RPTOR: variants seen among roughly 807,000 people sequenced by gnomAD.
RPTOR encodes regulatory associated protein of MTOR complex 1.
A neutral mutation model predicts 169.9 loss-of-function variants in RPTOR; 21 were observed. That is an observed-to-expected ratio of 0.12 (90% CI 0.09 to 0.18). The LOEUF (loss-of-function observed/expected upper bound fraction) is 0.18, where lower values mean the gene tolerates loss of function less well. Among genes scored for constraint, RPTOR ranks in the 10% least tolerant of loss-of-function variants. RPTOR has a pLI of 1.00. For synonymous variants in RPTOR, 732 were observed against 753.2 expected (o/e 0.97, Z 0.46); for missense variants, 1,133 against 1,855.9 (o/e 0.61, Z 7.16).
chr17:80,871,725 A>G (rs758726906), intron 13 of RPTOR, among the ~76,000 whole-genome samples: 1 of 152,218 alleles, frequency 6.6e-6, no homozygotes, highest in Non-Finnish European at 1.5e-5. Flanking sequence ...TGTTATTTAT[A>G]TAGGCTTACT....
intron 13 of RPTOR, among the ~76,000 whole-genome samples, chr17:80,876,949 G>A (rs1478073761): frequency 4.1e-5 from 6 of 147,322 alleles, no homozygotes; most frequent in Admixed American, 4.0e-4. Flanking sequence ...GTGCCACTCA[G>A]GGTGTGTGTG....
At chr17:80,604,070 C>T (rs1020709308) in intron 1 of RPTOR, among the ~76,000 whole-genome samples, 7 of 152,186 alleles carry the variant, frequency 4.6e-5, no homozygotes, top group Non-Finnish European at 1.0e-4. Context: ...CAGATACCAA[C>T]TTATCCTTTC....
At chr17:80,781,923 A>G (rs2066945893) in intron 6 of RPTOR, among the ~76,000 whole-genome samples, 1 of 152,170 alleles carries the variant, frequency 6.6e-6, no homozygotes, top group Non-Finnish European at 1.5e-5. Flanking sequence ...TCTCACTTGT[A>G]CTTTGGAAGA....
chr17:80,906,959 G>C (rs2068551456), intron 20 of RPTOR, among the ~76,000 whole-genome samples: 1 of 152,216 alleles, frequency 6.6e-6, no homozygotes, highest in African/African-American at 2.4e-5. Context: ...GCCATATCTG[G>C]AGCTGAAGTA....
At chr17:80,602,376 A>C (rs1297749019) in intron 1 of RPTOR, among the ~76,000 whole-genome samples, 1 of 65,812 alleles carries the variant, frequency 1.5e-5, no homozygotes, top group Non-Finnish European at 2.9e-5. Flanking sequence ...AGGGGGGCTG[A>C]CCCCCCCACC....
At chr17:80,709,438 G>T (rs2066168005) in intron 4 of RPTOR, among the ~76,000 whole-genome samples, 1 of 152,216 alleles carries the variant, frequency 6.6e-6, no homozygotes, top group African/African-American at 2.4e-5. Flanking sequence ...GGCGAATCCG[G>T]GAGATCGCTG....
intron 9 of RPTOR, among the ~76,000 whole-genome samples, chr17:80,836,437 C>T (rs1249996128): frequency 6.6e-6 from 1 of 152,112 alleles, no homozygotes; most frequent in African/African-American, 2.4e-5. Flanking sequence ...TGTAATTCAG[C>T]GTGTGGCTCT....
At chr17:80,661,236 T>G (rs1002196094) in intron 3 of RPTOR, among the ~76,000 whole-genome samples, 24 of 152,194 alleles carry the variant, frequency 1.6e-4, no homozygotes, top group Non-Finnish European at 1.3e-4. Flanking sequence ...AGTGCCTTGC[T>G]CTCAATGTCA....
chr17:80,823,267 C>A lies in RPTOR; in HGVS notation c.1136+44C>A, dbSNP rs758187051. ...TCCAGGTGCCGTGCTCCCCCGCCCT[C>A]CGTGGCACTGTGATGTCATGGAATT... On this transcript the variant is annotated intron_variant, in intron 9 of 33. Transcript: ENST00000306801. The surrounding 1 kb of genome is among the most constrained non-coding windows in gnomAD (Gnocchi z 4.5). 1 of 1,602,466 alleles carries A rather than the reference C, an allele frequency of 6.2e-7. No homozygotes were observed. The highest frequency in any genetic ancestry group is 8.5e-7 in the Non-Finnish European group (1 of 1,172,492).
At chr17:80,914,751 C>T (rs1333098245) in intron 21 of RPTOR, among the ~76,000 whole-genome samples, 2 of 152,230 alleles carry the variant, frequency 1.3e-5, no homozygotes, top group Non-Finnish European at 2.9e-5. Context: ...GGACTGAGGG[C>T]AGTTTGGCAC....
rs2066151682 is a variant in RPTOR at position 80,707,636 on chromosome 17, C to T, written c.349-205C>T. 6.6e-6 allele frequency among the ~76,000 whole-genome samples: 1 copy of T among 152,032 alleles called. No homozygotes were observed. Among genetic ancestry groups the T allele is most frequent in the Non-Finnish European group, 1.5e-5 (1 of 68,002 alleles). ...TGAGCTCCCGGGCTCAACCAGTTCT[C>T]CCACCTTGGCCTCCTAAGCTGCTGG... On this transcript the variant is annotated intron_variant, in intron 3 of 33. Coordinates refer to ENST00000306801, the MANE Select transcript of RPTOR (RefSeq NM_020761.3). The surrounding 1 kb of genome is among the most constrained non-coding windows in gnomAD (Gnocchi z 5.0).
intron 7 of RPTOR, among the ~76,000 whole-genome samples, chr17:80,805,832 C>T (rs2067213005): frequency 2.6e-5 from 4 of 152,124 alleles, no homozygotes; most frequent in Admixed American, 2.6e-4. Flanking sequence ...TGACTGACTC[C>T]AGGAAGGGGC....
chr17:80,916,564 A>G (rs777335637), intron 21 of RPTOR, among the ~76,000 whole-genome samples: 6 of 152,264 alleles, frequency 3.9e-5, no homozygotes, highest in Non-Finnish European at 8.8e-5. Context: ...CTGAATGGGC[A>G]TAACAAGCCC....
At chr17:80,630,160 C>CCTGAGTCTGAGTCTGAGTCTGAGT (rs2065431345) in intron 2 of RPTOR, among the ~76,000 whole-genome samples, 1 of 152,178 alleles carries the variant, frequency 6.6e-6, no homozygotes, top group Non-Finnish European at 1.5e-5. Context: ...CAGGGTCAGC[C>CCTGAGTCTGAGTCTGAGTCTGAGT]CTGAGTCTGA....
chr17:80,896,205 T>A (rs1409762092), intron 20 of RPTOR, among the ~76,000 whole-genome samples: 1 of 152,080 alleles, frequency 6.6e-6, no homozygotes, highest in Admixed American at 6.5e-5. Context: ...CCAGGTTGTA[T>A]TTTTTCTTTA....
At chr17:80,681,565 TC>T in intron 3 of RPTOR, among the ~76,000 whole-genome samples, 1 of 143,330 alleles carries the variant, frequency 7.0e-6, no homozygotes, top group Non-Finnish European at 1.6e-5. Flanking sequence ...CATTTCTAGT[TC>T]TCTTACACCT....
intron 1 of RPTOR, among the ~76,000 whole-genome samples, chr17:80,603,344 G>A (rs1271526359): frequency 1.3e-5 from 2 of 152,224 alleles, no homozygotes; most frequent in African/African-American, 4.8e-5. Flanking sequence ...ACATCTAGGC[G>A]ATGGTCTAAT....
chr17:80,936,336 C>T lies in RPTOR; in HGVS notation c.2920-4160C>T, dbSNP rs540706866. On this transcript the variant is annotated intron_variant, in intron 24 of 33. Transcript: ENST00000306801. This position sits in a 1 kb window ranked among gnomAD's most constrained non-coding sequence, Gnocchi z 4.1. ...AACGTATGCCTACCATGCAACCTAA[C>T]CATTCTACTCCTGGATATTCACCAA... is the stretch of plus-strand genomic sequence containing the variant. 3.9e-4 allele frequency among the ~76,000 whole-genome samples: 60 copies of T among 152,324 alleles called. No individual in the cohort carries two copies. The highest frequency in any genetic ancestry group is 6.8e-3 in the Middle Eastern group (2 of 294).
chr17:80,684,201 G>A (rs1311920463), intron 3 of RPTOR, among the ~76,000 whole-genome samples: 5 of 152,006 alleles, frequency 3.3e-5, no homozygotes, highest in Non-Finnish European at 5.9e-5. Flanking sequence ...TGTTTAGTTT[G>A]TATTCTGTTC....
Sources: allele counts gnomAD v4.1 joint callset (sites outside exome capture counted in the v4.1 genomes callset), GRCh38; gene constraint gnomAD v4.1.1; non-coding constraint Gnocchi (gnomAD v3.1); transcripts MANE v1.5; gene names NCBI Gene and HGNC (gene_info 2026-07-23, HGNC 2026-07-21).